DLC1: variants seen among roughly 807,000 people sequenced by gnomAD.
The protein encoded by DLC1 is rho GTPase-activating protein 7.
Under a neutral mutation model 140.3 loss-of-function variants are expected in DLC1, and 54 were observed. That is an observed-to-expected ratio of 0.38 (90% CI 0.31 to 0.48). The LOEUF (loss-of-function observed/expected upper bound fraction) is 0.48, where lower values mean the gene tolerates loss of function less well. Ranked by LOEUF, DLC1 falls within the 20% of genes least tolerant of loss-of-function variation. The pLI is 0.96. For synonymous variants in DLC1, 986 were observed against 728.1 expected (o/e 1.35, Z -5.70); for missense variants, 2,536 against 1,907.0 (o/e 1.33, Z -6.14).
chr8:13,270,738 C>T (rs58100584), intron 5 of DLC1, among the ~76,000 whole-genome samples: 2 of 151,206 alleles, frequency 1.3e-5, no homozygotes, highest in Non-Finnish European at 2.9e-5. Flanking sequence ...CTTTTCTTTT[C>T]TTTTTTTTTG....
intron 4 of DLC1, among the ~76,000 whole-genome samples, chr8:13,387,297 T>C (rs947117446): frequency 6.6e-6 from 1 of 152,044 alleles, no homozygotes. Flanking sequence ...ACTTTATCCT[T>C]CTGTTTTGTT....
chr8:13,311,127 T>G (rs1218411519), intron 4 of DLC1, among the ~76,000 whole-genome samples: 1 of 152,194 alleles, frequency 6.6e-6, no homozygotes, highest in Non-Finnish European at 1.5e-5. Flanking sequence ...GATATACCAT[T>G]AGTACTGTAT....
At chr8:13,532,413 A>C (rs543240598) in intron 1 of DLC1, among the ~76,000 whole-genome samples, 10 of 152,258 alleles carry the variant, frequency 6.6e-5, no homozygotes, top group Non-Finnish European at 1.2e-4. Flanking sequence ...CATGAATGGC[A>C]AAACACAGCA....
At chr8:13,256,451 G>A (rs1056228978) in intron 5 of DLC1, among the ~76,000 whole-genome samples, 11 of 152,096 alleles carry the variant, frequency 7.2e-5, no homozygotes, top group African/African-American at 2.7e-4. Flanking sequence ...ATTCACAATA[G>A]CAAAGACTTG....
In DLC1 at chr8:13,227,519, C is replaced by A. The variant is rs115208432; in HGVS notation, c.1348+77750G>T. On this transcript the variant is annotated intron_variant, in intron 5 of 17. Transcript: ENST00000276297. The stretch of plus-strand genomic sequence containing the variant: ...GAGGGTACCTGTGCTTCACTGGTAG[C>A]TGAAAATTCAAGATATAGGCTATCT... Among the ~76,000 whole-genome samples the A allele has an allele frequency of 2.7e-3, 409 of 152,214 alleles. 4 individuals carry two copies. Among genetic ancestry groups the A allele is most frequent in the African/African-American group, 9.7e-3 (402 of 41,524 alleles).
intron 5 of DLC1, among the ~76,000 whole-genome samples, chr8:13,178,489 G>A (rs10104517): frequency 0.033 from 4,928 of 150,970 alleles, 276 homozygotes; most frequent in African/African-American, 0.11. Context: ...GGAGAATGGC[G>A]TGAACCCGGG....
At chr8:13,551,394 A>T (rs1803844823) in intron 1 of DLC1, among the ~76,000 whole-genome samples, 1 of 152,060 alleles carries the variant, frequency 6.6e-6, no homozygotes, top group South Asian at 2.1e-4. Flanking sequence ...AATTTTTATT[A>T]TGAATTTCCA....
chr8:13,168,530 C>T (rs188410965), intron 5 of DLC1, among the ~76,000 whole-genome samples: 5 of 151,998 alleles, frequency 3.3e-5, no homozygotes, highest in Admixed American at 2.0e-4. Flanking sequence ...GCTTAAAATA[C>T]GTAGATTAAT....
intron 2 of DLC1, among the ~76,000 whole-genome samples, chr8:13,402,564 T>C (rs1231091899): frequency 6.6e-6 from 1 of 152,202 alleles, no homozygotes; most frequent in Admixed American, 6.5e-5. Context: ...CATTTGTGAC[T>C]TATGTTGCCA....
In DLC1 at chr8:13,604,031, T is replaced by G. The variant is rs1187003683; in HGVS notation, c.-126+506A>C. Among the ~76,000 whole-genome samples, 8 of 152,154 alleles carry G rather than the reference T, an allele frequency of 5.3e-5. No individual in the cohort carries two copies. The East Asian group carries it at 1.5e-3, about 29-fold the overall frequency. On this transcript the variant is annotated intron_variant, in intron 1 of 1. Transcript: ENST00000631382. ...TATAAGAAAAATATAAAAATATTTT[T>G]TTCTAATCAACATAACTGTAAACAT...
intron 5 of DLC1, among the ~76,000 whole-genome samples, chr8:13,198,558 A>G (rs1409055967): frequency 6.6e-6 from 1 of 152,206 alleles, no homozygotes; most frequent in Non-Finnish European, 1.5e-5. Flanking sequence ...TATGACTTCA[A>G]ATTTTTCTTT....
intron 1 of DLC1, among the ~76,000 whole-genome samples, chr8:13,559,700 C>G (rs548052634): frequency 6.6e-6 from 1 of 152,272 alleles, no homozygotes; most frequent in South Asian, 2.1e-4. Flanking sequence ...GTTGTGAATT[C>G]CAATTCTGTC....
At chr8:13,268,439 C>T (rs377023312) in intron 5 of DLC1, among the ~76,000 whole-genome samples, 28 of 152,134 alleles carry the variant, frequency 1.8e-4, no homozygotes, top group South Asian at 1.2e-3. Context: ...CTCAGTCTCC[C>T]GAGTAGCTGG....
At chr8:13,324,761 G>T (rs1833270148) in intron 4 of DLC1, among the ~76,000 whole-genome samples, 1 of 152,118 alleles carries the variant, frequency 6.6e-6, no homozygotes, top group South Asian at 2.1e-4. Flanking sequence ...ATACCAAGCA[G>T]TTGCAGAGTC....
intron 5 of DLC1, among the ~76,000 whole-genome samples, chr8:13,188,799 G>GTGTGTGTATATATATATATATATATA (rs1554465470): frequency 6.3e-5 from 5 of 79,552 alleles, no homozygotes; most frequent in South Asian, 9.3e-4. Context: ...GTGTGTGTGT[G>GTGTGTGTATATATATATATATATATA]TGTATATATA....
intron 5 of DLC1, among the ~76,000 whole-genome samples, chr8:13,297,287 A>AAAAAAAAAAAAAACAAAACAAAAC (rs1160453360): frequency 7.1e-6 from 1 of 139,900 alleles, no homozygotes; most frequent in African/African-American, 2.7e-5. Context: ...TACATTAAAA[A>AAAAAAAAAAAAAACAAAACAAAAC]AAAAAAAAAC....
At chr8:13,599,273 A>T (rs1458039069) in intron 1 of DLC1, among the ~76,000 whole-genome samples, 1 of 151,988 alleles carries the variant, frequency 6.6e-6, no homozygotes, top group Non-Finnish European at 1.5e-5. Flanking sequence ...AAAGATCATT[A>T]TGCCAGCCTC....
intron 5 of DLC1, among the ~76,000 whole-genome samples, chr8:13,267,820 A>G (rs17190592): frequency 0.056 from 8,539 of 151,864 alleles, 289 homozygotes; most frequent in South Asian, 0.13. Context: ...GAAAGAAAGA[A>G]CCAAGAGAGA....
intron 5 of DLC1, among the ~76,000 whole-genome samples, chr8:13,241,955 C>A (rs1206936674): frequency 6.6e-6 from 1 of 152,046 alleles, no homozygotes; most frequent in African/African-American, 2.4e-5. Context: ...TGGATGGAAG[C>A]TTTCTTGGGG....
Sources: allele counts gnomAD v4.1 joint callset (sites outside exome capture counted in the v4.1 genomes callset), GRCh38; gene constraint gnomAD v4.1.1; transcripts MANE v1.5; gene names NCBI Gene and HGNC (gene_info 2026-07-23, HGNC 2026-07-21).